GLT1D1: variants seen among roughly 807,000 people sequenced by gnomAD.
GLT1D1 encodes glycosyltransferase 1 domain-containing protein 1.
Under a neutral mutation model 28.7 loss-of-function variants are expected in GLT1D1, and 21 were observed. That is an observed-to-expected ratio of 0.73 (90% confidence interval 0.52 to 1.05). The LOEUF is 1.05. GLT1D1 is among the 50% of genes least tolerant of loss of function. GLT1D1 has a pLI of 0.00. For synonymous variants in GLT1D1, 147 were observed against 124.8 expected (o/e 1.18, Z -1.19); for missense variants, 343 against 330.6 (o/e 1.04, Z -0.29).
At chr12:128,889,231 G>T (rs1868751910) in intron 3 of GLT1D1, among the ~76,000 whole-genome samples, 1 of 152,154 alleles carries the variant, frequency 6.6e-6, no homozygotes, top group Non-Finnish European at 1.5e-5. Context: ...CATCAGGTTT[G>T]CCCAAGTAGA....
intron 4 of GLT1D1, among the ~76,000 whole-genome samples, chr12:128,927,915 G>T (rs544936726): frequency 2.2e-5 from 3 of 138,672 alleles, no homozygotes; most frequent in Non-Finnish European, 4.6e-5. Flanking sequence ...CAGGAGAATC[G>T]CTTGAACCCG....
At chr12:128,924,692 A>G (rs796622905) in intron 4 of GLT1D1, among the ~76,000 whole-genome samples, 23 of 152,220 alleles carry the variant, frequency 1.5e-4, no homozygotes, top group African/African-American at 4.6e-4. Flanking sequence ...CCTGACCTCA[A>G]GTGATCCTGG....
At chr12:128,884,549 T>C (rs1249567113) in intron 2 of GLT1D1, among the ~76,000 whole-genome samples, 1 of 152,150 alleles carries the variant, frequency 6.6e-6, no homozygotes, top group East Asian at 1.9e-4. Context: ...GCATGGTGGC[T>C]CATACCTGTA....
intron 4 of GLT1D1, among the ~76,000 whole-genome samples, chr12:128,936,058 C>A (rs1874520477): frequency 1.3e-5 from 2 of 152,120 alleles, no homozygotes; most frequent in Admixed American, 1.3e-4. Context: ...CTACCTGCCT[C>A]ACAGTTTGCA....
chr12:128,969,751 C>T (rs545342377), intron 7 of GLT1D1, among the ~76,000 whole-genome samples: 2 of 152,336 alleles, frequency 1.3e-5, no homozygotes, highest in African/African-American at 2.4e-5. Context: ...GCTTCCTTCC[C>T]GCTGTGAGCT....
intron 7 of GLT1D1, among the ~76,000 whole-genome samples, chr12:128,959,451 C>T (rs1387624141): frequency 1.8e-4 from 3 of 16,828 alleles, no homozygotes; most frequent in African/African-American, 5.5e-4. Flanking sequence ...GGGTGGGGAA[C>T]GGCGGGTGGT....
intron 7 of GLT1D1, among the ~76,000 whole-genome samples, chr12:128,978,251 C>T (rs747299041): frequency 6.6e-6 from 1 of 152,074 alleles, no homozygotes; most frequent in Non-Finnish European, 1.5e-5. Context: ...CCTGCAGCAC[C>T]TGGGCTGGAA....
intron 7 of GLT1D1, among the ~76,000 whole-genome samples, chr12:128,978,384 G>A (rs12300163): frequency 6.4e-4 from 98 of 152,278 alleles, no homozygotes; most frequent in African/African-American, 2.3e-3. Context: ...ATGTCAGGGC[G>A]GGCACGGCTC....
At chr12:128,919,847 A>G (rs985247819) in intron 4 of GLT1D1, among the ~76,000 whole-genome samples, 2 of 152,204 alleles carry the variant, frequency 1.3e-5, no homozygotes, top group Non-Finnish European at 1.5e-5. Context: ...CTTTCAGGCT[A>G]TCAAACCTAA....
chr12:128,922,946 A>AAG (rs869247358), intron 4 of GLT1D1, among the ~76,000 whole-genome samples: 2 of 141,476 alleles, frequency 1.4e-5, no homozygotes, highest in African/African-American at 2.6e-5. Context: ...AAAAAAAAAA[A>AAG]GAGTATTAAG....
At chr12:128,961,201 A>C (rs1431319082) in intron 7 of GLT1D1, among the ~76,000 whole-genome samples, 1 of 152,232 alleles carries the variant, frequency 6.6e-6, no homozygotes, top group Non-Finnish European at 1.5e-5. Flanking sequence ...AGATTATAGC[A>C]ATTGGCTGAC....
At chr12:128,884,151 C>T (rs944806273) in intron 2 of GLT1D1, among the ~76,000 whole-genome samples, 28 of 152,194 alleles carry the variant, frequency 1.8e-4, no homozygotes, top group African/African-American at 5.1e-4. Context: ...ACAGGCAGGA[C>T]GGGGAATCAA....
rs1214721079 is a variant in GLT1D1 at position 128,984,332 on chromosome 12, A to G, written c.*1242A>G. 2.1e-5 allele frequency: 3 copies of G among 142,744 alleles called. No homozygotes were observed. The highest frequency in any genetic ancestry group is 4.7e-5 in the Non-Finnish European group (3 of 63,890). 8.8% of individuals were successfully genotyped at this position (142,744 alleles called of 1,614,324 possible). On this transcript the variant is annotated 3_prime_UTR_variant, in exon 8 of 8. Coordinates refer to ENST00000281703, the MANE Select transcript of GLT1D1 (RefSeq NM_144669.3). ...ACTTTCAGCTTTCATGTTTTCAACC[A>G]TCATTTTTTTAATGGCACAACCTAC...
intron 1 of GLT1D1, among the ~76,000 whole-genome samples, chr12:128,863,173 C>T (rs146836057): frequency 2.0e-5 from 3 of 152,168 alleles, no homozygotes; most frequent in Non-Finnish European, 4.4e-5. Context: ...CAACAAGGTA[C>T]GGACAGCCAC....
chr12:128,907,034 C>T (rs1870951824), intron 4 of GLT1D1: 2 of 692,292 alleles, frequency 2.9e-6, no homozygotes, highest in Non-Finnish European at 5.3e-6. Flanking sequence ...CTAAAGTCTG[C>T]AGTAGAAGCA....
intron 3 of GLT1D1, among the ~76,000 whole-genome samples, chr12:128,889,456 G>A (rs537116653): frequency 9.2e-5 from 14 of 152,124 alleles, no homozygotes; most frequent in Admixed American, 2.0e-4. Context: ...TAATCCTGGG[G>A]GCTGCCCTGC....
chr12:128,875,932 A>G lies in GLT1D1; in HGVS notation c.87A>G (p.Ala29=). 1 of 1,613,886 alleles carries G rather than the reference A, an allele frequency of 6.2e-7. No homozygotes were observed. The highest frequency in any genetic ancestry group is 8.5e-7 in the Non-Finnish European group (1 of 1,179,892). Residue 29 remains alanine (A), a synonymous_variant, in exon 2 of 8, where the codon GCA becomes GCG. Coordinates refer to ENST00000281703, the MANE Select transcript of GLT1D1 (RefSeq NM_144669.3). ...GATAAAGGGCCCATCTAGAGGCTGC[A>G]GGGCACGTGTGCGTTTTGAAGGATG...
rs1397894974 is a variant in GLT1D1, at chr12:128,942,735, G to GTTTTTTTTTTTTTTTTTTT, written c.376-2588_376-2587insTTTTTTTTTTTTTTTTTTT. Among the ~76,000 whole-genome samples, 27 of 89,570 alleles carry GTTTTTTTTTTTTTTTTTTT rather than the reference G, an allele frequency of 3.0e-4. 6 individuals carry two copies. Among genetic ancestry groups the GTTTTTTTTTTTTTTTTTTT allele is most frequent in the African/African-American group, 1.1e-3 (26 of 23,170 alleles). The allele number at this position is 89,570 out of a possible 152,430, so 58.8% of individuals were successfully genotyped here. On this transcript the variant is annotated intron_variant, in intron 4 of 7. Transcript: ENST00000281703. ...ATCACTTTAGATTCCAATTTTCTTT[G>GTTTTTTTTTTTTTTTTTTT]TTTGTTTGTTTTTGTTTTTTGTTTT...
intron 7 of GLT1D1, among the ~76,000 whole-genome samples, chr12:128,959,262 T>A (rs147715935): frequency 6.6e-5 from 10 of 151,534 alleles, no homozygotes; most frequent in African/African-American, 1.7e-4. Context: ...ATATTCAGTT[T>A]TTAAGATTTC....
Sources: gnomAD v4.1 joint callset for allele counts (sites outside exome capture counted in the v4.1 genomes callset) on GRCh38, gnomAD v4.1.1 for gene constraint, MANE v1.5 for transcripts, NCBI Gene and HGNC (gene_info 2026-07-23, HGNC 2026-07-21) for gene names.